KIAA1217: variants seen among roughly 807,000 people sequenced by gnomAD.
KIAA1217 encodes the protein KIAA1217.
Under a neutral mutation model 163.9 loss-of-function variants are expected in KIAA1217, and 88 were observed. That is an observed-to-expected ratio of 0.54 (90% CI 0.45 to 0.64). KIAA1217 has a LOEUF of 0.64. KIAA1217 is among the 30% of genes least tolerant of loss of function. The pLI is 0.00. For synonymous variants in KIAA1217, 903 were observed against 923.1 expected (o/e 0.98, Z 0.39); for missense variants, 2,372 against 2,475.0 (o/e 0.96, Z 0.88).
At chr10:24,077,301 C>T (rs2061398953) in intron 2 of KIAA1217, among the ~76,000 whole-genome samples, 1 of 152,298 alleles carries the variant, frequency 6.6e-6, no homozygotes, top group South Asian at 2.1e-4. Flanking sequence ...CTAAGCCCTG[C>T]ATACATTAGC....
In KIAA1217 at chr10:23,973,492, C is replaced by G. The variant is rs567242317; in HGVS notation, c.-320-33733C>G. Among the ~76,000 whole-genome samples the G allele has an allele frequency of 2.0e-3, 303 of 152,338 alleles. 1 individual carries two copies. The highest frequency in any genetic ancestry group is 3.6e-3 in the Non-Finnish European group (244 of 68,028). ...TAAAACCCAAAGATAGATTACCGTT[C>G]ATTCCTGAAGTGGTTCCCAACCTCC... On this transcript the variant is annotated intron_variant, in intron 1 of 18. Coordinates refer to the KIAA1217 transcript ENST00000376462.
chr10:23,965,559 C>G (rs1845031198), intron 1 of KIAA1217, among the ~76,000 whole-genome samples: 1 of 152,212 alleles, frequency 6.6e-6, no homozygotes, highest in Non-Finnish European at 1.5e-5. Context: ...TTTTAAGTAA[C>G]TGGAATTCTG....
At chr10:23,881,589 G>T (rs1374451932) in intron 1 of KIAA1217, among the ~76,000 whole-genome samples, 2 of 151,922 alleles carry the variant, frequency 1.3e-5, no homozygotes, top group Non-Finnish European at 2.9e-5. Context: ...TGATAAAATT[G>T]CATTATGTAA....
chr10:23,917,369 G>T (rs1842672300), intron 1 of KIAA1217, among the ~76,000 whole-genome samples: 1 of 152,146 alleles, frequency 6.6e-6, no homozygotes, highest in African/African-American at 2.4e-5. Context: ...GAGACAAGGG[G>T]ATACTCAGGT....
At chr10:24,341,289 A>G (rs892001498) in intron 2 of KIAA1217, among the ~76,000 whole-genome samples, 1 of 152,066 alleles carries the variant, frequency 6.6e-6, no homozygotes, top group Non-Finnish European at 1.5e-5. Flanking sequence ...TTCTATGTAC[A>G]GGCAAAGTCG....
chr10:23,706,519 A>G (rs939577124), intron 1 of KIAA1217, among the ~76,000 whole-genome samples: 2 of 152,104 alleles, frequency 1.3e-5, no homozygotes, highest in Non-Finnish European at 2.9e-5. Context: ...TTCTGTATCC[A>G]TTAAGATGAT....
chr10:24,089,842 A>G (rs939324782), intron 2 of KIAA1217, among the ~76,000 whole-genome samples: 2 of 151,886 alleles, frequency 1.3e-5, no homozygotes, highest in African/African-American at 4.9e-5. Flanking sequence ...AGGAAGAATC[A>G]ATGTCATGAA....
chr10:24,017,933 A>G (rs1301141060), intron 2 of KIAA1217, among the ~76,000 whole-genome samples: 3 of 152,096 alleles, frequency 2.0e-5, no homozygotes. Context: ...TGCTTGCCTC[A>G]CTGTTTAGGG....
chr10:24,374,672 C>T (rs1458533198), intron 2 of KIAA1217, among the ~76,000 whole-genome samples: 1 of 152,196 alleles, frequency 6.6e-6, no homozygotes, highest in Non-Finnish European at 1.5e-5. Flanking sequence ...AAGAATGGCA[C>T]TGGGGAGATA....
intron 4 of KIAA1217, 46 bp downstream of exon 4, chr10:24,433,239 T>C: frequency 1.4e-6 from 2 of 1,425,664 alleles, no homozygotes; most frequent in South Asian, 1.2e-5. Flanking sequence ...CCTTAGAGTT[T>C]TTTTTGTTTT....
chr10:24,494,659 C>T (rs1316376168), intron 7 of KIAA1217, 55 bp downstream of exon 7: 1 of 1,177,758 alleles, frequency 8.5e-7, no homozygotes, highest in African/African-American at 1.5e-5. Context: ...CTCTTTTAAT[C>T]ATTAAGATAA....
intron 1 of KIAA1217, among the ~76,000 whole-genome samples, chr10:23,875,840 A>G (rs1840666132): frequency 6.6e-6 from 1 of 151,710 alleles, no homozygotes; most frequent in Non-Finnish European, 1.5e-5. Context: ...TAAGCAAACT[A>G]TCACAAGGAC....
Position 24,473,661 on chromosome 10 carries a change from C to T in KIAA1217, c.1280C>T (p.Thr427Ile). 1.9e-6 allele frequency: 3 copies of T among 1,614,158 alleles called. No individual in the cohort carries two copies. Among genetic ancestry groups the T allele is most frequent in the Non-Finnish European group, 2.5e-6 (3 of 1,180,046 alleles). The change falls in exon 6 of 21, where the codon ACC (threonine) becomes ATC (isoleucine). Residue 427 changes from threonine (T) to isoleucine (I), a missense_variant. By Grantham distance (89) the Thr-to-Ile change is moderately conservative (BLOSUM62 -1). Coordinates refer to ENST00000376454, the MANE Select transcript of KIAA1217 (RefSeq NM_019590.5). ...GACCACATCATTGCATATCACCGCA[C>T]CGCCATCCGGTCAGCGAGTGCTTAT... ...VPDHIIAYHR[T>I]AIRSASAYCN... is the part of the protein sequence containing the mutation.
At chr10:24,501,726 CTTCTTTTTTTTTTTTTTTTTT>C (rs1341620290) in intron 9 of KIAA1217, among the ~76,000 whole-genome samples, 181 bp downstream of exon 9, 4 of 111,528 alleles carry the variant, frequency 3.6e-5, no homozygotes, top group African/African-American at 1.3e-4. Flanking sequence ...TCTATAACCA[CTTCTTTTTTTTTTTTTTTTTT>C]TTTTTTTTTT....
chr10:23,844,967 A>G (rs2131077353), intron 1 of KIAA1217, among the ~76,000 whole-genome samples: 1 of 152,182 alleles, frequency 6.6e-6, no homozygotes. Flanking sequence ...ACTCCCACTT[A>G]TGAGTGAGAA....
intron 1 of KIAA1217, among the ~76,000 whole-genome samples, chr10:23,919,173 G>A (rs577180435): frequency 1.3e-5 from 2 of 152,166 alleles, no homozygotes; most frequent in Non-Finnish European, 2.9e-5. Context: ...AGGAATCTGA[G>A]AGTCTCTAAT....
At chr10:24,379,037 A>C (rs1373426937) in intron 2 of KIAA1217, among the ~76,000 whole-genome samples, 2 of 152,218 alleles carry the variant, frequency 1.3e-5, no homozygotes, top group Non-Finnish European at 2.9e-5. Flanking sequence ...AGCTATAAAG[A>C]TGACCAAAAG....
intron 1 of KIAA1217, among the ~76,000 whole-genome samples, chr10:23,782,879 A>G (rs1489192788): frequency 6.6e-6 from 1 of 152,204 alleles, no homozygotes; most frequent in Admixed American, 6.5e-5. Flanking sequence ...TATGTTGAAT[A>G]CAAGTATTAA....
intron 2 of KIAA1217, among the ~76,000 whole-genome samples, chr10:24,189,219 T>C (rs961840729): frequency 1.3e-5 from 2 of 152,070 alleles, no homozygotes; most frequent in African/African-American, 2.4e-5. Context: ...ATCCTACCAT[T>C]GAAAGCGCTT....
Sources: allele counts gnomAD v4.1 joint callset (sites outside exome capture counted in the v4.1 genomes callset), GRCh38; gene constraint gnomAD v4.1.1; transcripts MANE v1.5; gene names NCBI Gene and HGNC (gene_info 2026-07-23, HGNC 2026-07-21).